Variants in SSBP2 observed in about 807,000 individuals in gnomAD.
SSBP2 encodes single-stranded DNA-binding protein 2.
Under a neutral mutation model 61.8 loss-of-function variants are expected in SSBP2, and 17 were observed. That is an observed-to-expected ratio of 0.28 (90% confidence interval 0.19 to 0.41). The LOEUF is 0.41. Ranked by LOEUF, SSBP2 falls within the 10% of genes least tolerant of loss-of-function variation. The pLI, the probability that SSBP2 is intolerant of heterozygous loss-of-function variation, is 1.00. For missense variants in SSBP2, 310 were observed against 458.7 expected (o/e 0.68, Z 2.96); for synonymous variants, 139 against 141.3 (o/e 0.98, Z 0.12).
intron 3 of SSBP2, among the ~76,000 whole-genome samples, chr5:81,629,852 G>C (rs1747536541): frequency 6.6e-6 from 1 of 152,072 alleles, no homozygotes; most frequent in African/African-American, 2.4e-5. Flanking sequence ...GTCCGTGTGT[G>C]TGTCTGGTAA....
intron 1 of SSBP2, among the ~76,000 whole-genome samples, chr5:81,660,083 C>T (rs1750560413): frequency 6.6e-6 from 1 of 152,128 alleles, no homozygotes; most frequent in Non-Finnish European, 1.5e-5. Context: ...AAAACCTAGG[C>T]AATACCATTC....
At position 81,650,330 on chromosome 5, in the gene SSBP2, G is replaced by T; in HGVS notation, c.72C>A (p.Leu24=). ...CATGGAGCAGATATTCATATACGTAGAGTGCTAACCTGGAAAACAAATAAA... is the reference window on the plus strand; with the variant it reads ...CATGGAGCAGATATTCATATACGTATAGTGCTAACCTGGAAAACAAATAAA... The change falls in exon 2 of 17, where the codon CTC becomes CTA. Residue 24 remains leucine (L), a synonymous_variant. Transcript: ENST00000320672. 1 of 1,580,968 alleles carries T rather than the reference G, an allele frequency of 6.3e-7. No individual in the cohort carries two copies. The highest frequency in any genetic ancestry group is 8.6e-7 in the Non-Finnish European group (1 of 1,164,558).
intron 2 of SSBP2, among the ~76,000 whole-genome samples, chr5:81,643,648 G>A (rs1393508549): frequency 2.3e-5 from 3 of 130,402 alleles, no homozygotes; most frequent in Non-Finnish European, 4.6e-5. Flanking sequence ...TGTCACCCAG[G>A]CTGGAGTACA....
intron 4 of SSBP2, among the ~76,000 whole-genome samples, chr5:81,607,256 A>T (rs1209096713): frequency 6.6e-6 from 1 of 152,208 alleles, no homozygotes; most frequent in African/African-American, 2.4e-5. Context: ...ACAGGACAAG[A>T]TAATAATCAA....
At chr5:81,744,348 CAAAT>C (rs747051671) in intron 1 of SSBP2, among the ~76,000 whole-genome samples, 2 of 151,954 alleles carry the variant, frequency 1.3e-5, no homozygotes, top group African/African-American at 2.4e-5. Flanking sequence ...CTAAAATAGA[CAAAT>C]AAAAGGAGAA....
chr5:81,451,004 T>C (rs1279660906), intron 10 of SSBP2, among the ~76,000 whole-genome samples: 1 of 152,224 alleles, frequency 6.6e-6, no homozygotes, highest in African/African-American at 2.4e-5. Flanking sequence ...TATGAAAGCC[T>C]TGAAGCTTAC....
intron 1 of SSBP2, among the ~76,000 whole-genome samples, chr5:81,708,486 G>A (rs78210212): frequency 0.071 from 10,783 of 152,050 alleles, 478 homozygotes; most frequent in Middle Eastern, 0.12. Flanking sequence ...ACTCTTTGCT[G>A]ACCAATGCGT....
intron 4 of SSBP2, among the ~76,000 whole-genome samples, chr5:81,534,893 T>C (rs1461652419): frequency 5.3e-5 from 8 of 151,850 alleles, no homozygotes; most frequent in Admixed American, 6.6e-5. Flanking sequence ...CAAAATCCCA[T>C]CTAGGCATGT....
At chr5:81,613,443 T>G (rs1410507560) in intron 4 of SSBP2, among the ~76,000 whole-genome samples, 1 of 152,200 alleles carries the variant, frequency 6.6e-6, no homozygotes, top group East Asian at 1.9e-4. Flanking sequence ...AAGTGTCTTA[T>G]GAATGCAAGA....
intron 1 of SSBP2, among the ~76,000 whole-genome samples, chr5:81,653,417 T>C (rs558740469): frequency 1.3e-5 from 2 of 152,320 alleles, no homozygotes; most frequent in South Asian, 4.1e-4. Context: ...TATGTGTGCA[T>C]GTGTCTTTTT....
intron 1 of SSBP2, among the ~76,000 whole-genome samples, chr5:81,708,367 T>C (rs958836013): frequency 6.6e-6 from 1 of 152,162 alleles, no homozygotes; most frequent in Admixed American, 6.5e-5. Context: ...TGATATGTAT[T>C]TGAATAATGT....
intron 16 of SSBP2, among the ~76,000 whole-genome samples, chr5:81,427,432 A>G (rs1441452524): frequency 6.6e-6 from 1 of 152,184 alleles, no homozygotes; most frequent in Admixed American, 6.5e-5. Context: ...AACGAACTCT[A>G]AAAACAGGGG....
Position 81,419,341 on chromosome 5 carries a change from G to C in SSBP2, c.*1163C>G, listed in dbSNP as rs1761465282. On this transcript the variant is annotated 3_prime_UTR_variant, in exon 17 of 17. Transcript: ENST00000320672. Reference sequence around the variant, plus strand: ...CCAATACCAGTCAATTCTGCTGGTAGCAAGCAAGATACCTGGATAGAAAAG... The same window carrying C: ...CCAATACCAGTCAATTCTGCTGGTACCAAGCAAGATACCTGGATAGAAAAG... 1 of 152,176 alleles carries C rather than the reference G, an allele frequency of 6.6e-6. No homozygotes were observed. Among genetic ancestry groups the C allele is most frequent in the Non-Finnish European group, 1.5e-5 (1 of 68,046 alleles). The allele number at this position is 152,176 out of a possible 1,614,324, so 9.4% of individuals were successfully genotyped here.
chr5:81,672,138 G>C (rs1751623126), intron 1 of SSBP2, among the ~76,000 whole-genome samples: 2 of 152,026 alleles, frequency 1.3e-5, no homozygotes, highest in South Asian at 2.1e-4. Flanking sequence ...GTGTTTTATA[G>C]CTTATATAAT....
At chr5:81,543,695 T>C (rs989745811) in intron 4 of SSBP2, among the ~76,000 whole-genome samples, 3 of 152,204 alleles carry the variant, frequency 2.0e-5, no homozygotes, top group Non-Finnish European at 4.4e-5. Flanking sequence ...ACAGTGACTA[T>C]GGATACTCAT....
chr5:81,708,966 A>C (rs566828064), intron 1 of SSBP2, among the ~76,000 whole-genome samples: 16 of 152,198 alleles, frequency 1.1e-4, no homozygotes, highest in African/African-American at 3.8e-4. Context: ...AAAATATCTG[A>C]GATAACTGAT....
Position 81,420,526 on chromosome 5 carries a change from G to C in SSBP2, c.1064C>G (p.Pro355Arg). The stretch of plus-strand genomic sequence containing the variant: ...GGATCACACGCTCATTGTCATGCTA[G>C]GGGAGTACTAGAAGGAAAGAAGAAT... Residue 355 changes from proline to arginine, a missense_variant, in exon 17 of 17, where the codon CCT (proline) becomes CGT (arginine). By Grantham distance (103) the Pro-to-Arg change is moderately radical. Coordinates refer to ENST00000320672, the MANE Select transcript of SSBP2 (RefSeq NM_012446.5). The C allele has an allele frequency of 6.2e-7, 1 of 1,613,600 alleles. No individual in the cohort carries two copies. Among genetic ancestry groups the C allele is most frequent in the Non-Finnish European group, 8.5e-7 (1 of 1,179,606 alleles).
chr5:81,456,384 C>T (rs1425748383), intron 10 of SSBP2, among the ~76,000 whole-genome samples: 2 of 143,878 alleles, frequency 1.4e-5, no homozygotes, highest in Non-Finnish European at 3.0e-5. Flanking sequence ...TTGGGTGGGA[C>T]TCAGGATGAC....
intron 4 of SSBP2, among the ~76,000 whole-genome samples, chr5:81,609,295 T>C (rs771383119): frequency 1.4e-4 from 22 of 152,334 alleles, no homozygotes; most frequent in Non-Finnish European, 3.1e-4. Context: ...AAATATACCT[T>C]ATATTTTTCC....
Sources: allele counts gnomAD v4.1 joint callset (sites outside exome capture counted in the v4.1 genomes callset), GRCh38; gene constraint gnomAD v4.1.1; transcripts MANE v1.5; gene names NCBI Gene and HGNC (gene_info 2026-07-23, HGNC 2026-07-21).